Variants in ABI3BP observed in about 807,000 individuals in gnomAD.
ABI3BP encodes the protein ABI family member 3 binding protein, also known as target of Nesh-SH3.
Under a neutral mutation model 268.6 loss-of-function variants are expected in ABI3BP, and 216 were observed. The observed-to-expected ratio is 0.80, with a 90% confidence interval of 0.72 to 0.90. ABI3BP has a LOEUF of 0.90. Among genes scored for constraint, ABI3BP ranks in the 40% least tolerant of loss-of-function variants. ABI3BP has a pLI of 0.00. For missense variants in ABI3BP, 2,090 were observed against 2,182.4 expected, an observed-to-expected ratio of 0.96 and a Z score of 0.84; for synonymous variants, 730 against 730.0, an observed-to-expected ratio of 1.00 and a Z score of 0.00.
At chr3:100,904,140 T>G (rs1456122205) in intron 2 of ABI3BP, among the ~76,000 whole-genome samples, 1 of 152,180 alleles carries the variant, frequency 6.6e-6, no homozygotes, top group Non-Finnish European at 1.5e-5. Flanking sequence ...TATTCATAAC[T>G]TCATTACTCC....
chr3:100,892,348 A>G (rs1176330765), intron 4 of ABI3BP, among the ~76,000 whole-genome samples: 5 of 152,220 alleles, frequency 3.3e-5, no homozygotes, highest in Non-Finnish European at 7.3e-5. Flanking sequence ...CTAAGAAAGA[A>G]TTGATGAAAC....
intron 4 of ABI3BP, among the ~76,000 whole-genome samples, chr3:100,889,110 G>A (rs138775090): frequency 3.3e-5 from 5 of 151,890 alleles, no homozygotes; most frequent in South Asian, 4.2e-4. Context: ...ATTGCATAAC[G>A]CACCACTCCT....
intron 51 of ABI3BP, among the ~76,000 whole-genome samples, chr3:100,804,536 A>T (rs2097645261): frequency 6.6e-6 from 1 of 152,168 alleles, no homozygotes; most frequent in Non-Finnish European, 1.5e-5. Flanking sequence ...AAGTCAGGGA[A>T]TAAGAGAACT....
intron 1 of ABI3BP, among the ~76,000 whole-genome samples, chr3:100,985,370 C>A (rs1420900567): frequency 2.0e-5 from 3 of 151,740 alleles, no homozygotes; most frequent in African/African-American, 7.3e-5. Flanking sequence ...AGGATGGTCT[C>A]GATCCCCTGA....
intron 6 of ABI3BP, among the ~76,000 whole-genome samples, chr3:100,883,553 A>G: frequency 6.6e-6 from 1 of 152,120 alleles, no homozygotes; most frequent in East Asian, 1.9e-4. Context: ...CTGCTTTATC[A>G]GCAATCAGAG....
chr3:100,850,798 C>T, intron 15 of ABI3BP, 64 bp from the exon 16 acceptor site: 2 of 1,267,510 alleles, frequency 1.6e-6, no homozygotes, highest in Non-Finnish European at 2.3e-6. Flanking sequence ...AATACAAATT[C>T]ATGAGTAATA....
At chr3:100,813,789 G>A (rs779809229) in intron 44 of ABI3BP, 54 bp from the exon 45 acceptor site, 7 of 1,407,040 alleles carry the variant, frequency 5.0e-6, no homozygotes, top group Middle Eastern at 1.8e-4. Flanking sequence ...TTATTTCATA[G>A]GTTTTAGACA....
At chr3:100,806,649 T>G (rs2097715429) in intron 50 of ABI3BP, among the ~76,000 whole-genome samples, 1 of 152,068 alleles carries the variant, frequency 6.6e-6, no homozygotes, top group Admixed American at 6.6e-5. Context: ...AAGTATCTGG[T>G]TTGCAGCTAC....
chr3:100,849,959 A>G (rs1449987359), intron 17 of ABI3BP, 86 bp downstream of exon 17: 1 of 1,235,848 alleles, frequency 8.1e-7, no homozygotes, highest in Non-Finnish European at 1.1e-6. Flanking sequence ...AACAAAAGAA[A>G]AACAAAATTC....
intron 1 of ABI3BP, among the ~76,000 whole-genome samples, chr3:100,937,881 C>T (rs995074062): frequency 3.9e-5 from 6 of 152,022 alleles, no homozygotes; most frequent in African/African-American, 1.4e-4. Context: ...AGGGCAGTCA[C>T]TGTCAGAAGC....
chr3:100,754,095 C>T lies in ABI3BP; in HGVS notation c.4931-247G>A, dbSNP rs566242262. The stretch of plus-strand genomic sequence containing the variant: ...AATTTGAGTACTTAGGAACATTTGT[C>T]GCTGTTCCAGCTTTCACTTGAATTT... On this transcript the variant is annotated intron_variant, in intron 64 of 67. Coordinates refer to ENST00000471714, the MANE Select transcript of ABI3BP (RefSeq NM_001375547.2). 3.3e-5 allele frequency among the ~76,000 whole-genome samples: 5 copies of T among 152,316 alleles called. No homozygotes were observed. In the South Asian group the frequency reaches 1.0e-3, roughly 32 times the overall value.
rs866254898 is a variant in ABI3BP, at chr3:100,965,510, A to C, written c.79+27796T>G. The stretch of plus-strand genomic sequence containing the variant: ...AAGCCTTTATTCTGAATAAAACAAA[A>C]AAAAAAAAACAGAGGAAGTATTCAA... On this transcript the variant is annotated intron_variant, in intron 1 of 67. Coordinates refer to ENST00000471714, the MANE Select transcript of ABI3BP (RefSeq NM_001375547.2). Among the ~76,000 whole-genome samples, 1,170 of 137,566 alleles carry C rather than the reference A, an allele frequency of 8.5e-3. 16 individuals are homozygous for C. The highest frequency in any genetic ancestry group is 0.034 in the African/African-American group (1,126 of 32,788). The allele number at this position is 137,566 out of a possible 152,430, so 90.2% of individuals were successfully genotyped here.
intron 13 of ABI3BP, chr3:100,862,627 C>T (rs1560965925): frequency 5.2e-6 from 3 of 582,166 alleles, no homozygotes; most frequent in East Asian, 2.9e-5. Context: ...GGACAAAAAG[C>T]TAAGTGGATT....
rs2098339682 is a variant in ABI3BP, at chr3:100,824,886, CG to C, written c.2717del (p.Pro906ArgfsTer16). 1 of 1,535,764 alleles carries C rather than the reference CG, an allele frequency of 6.5e-7. No individual in the cohort carries two copies. The highest frequency in any genetic ancestry group is 8.7e-7 in the Non-Finnish European group (1 of 1,146,644). ...GTTTGGTCTCAGGTGCCTGAGGGCT[CG>C]GTGTAGTTTTAGGTCTGGGACGTGG... Reference protein sequence around the residue: ...RPPRPRPKTTPSPQAPETKPV... With the variant: ...RPPRPRPKTTXSPQAPETKPV... On this transcript the variant is annotated frameshift_variant, in exon 36 of 68. Transcript: ENST00000471714. LOFTEE classifies it high-confidence loss of function.
chr3:100,954,975 CTTTTTTTTTT>C lies in ABI3BP; in HGVS notation c.80-28504_80-28495del, dbSNP rs71299382. ...ATCCCTTTAATGTTTTAAATTTTGT[CTTTTTTTTTT>C]TTTTTTTTTTTTTTTACGAATCATA... On this transcript the variant is annotated intron_variant, in intron 1 of 67. Coordinates refer to ENST00000471714, the MANE Select transcript of ABI3BP (RefSeq NM_001375547.2). Among the ~76,000 whole-genome samples the C allele has an allele frequency of 9.0e-4, 85 of 94,758 alleles. 1 individual carries two copies. The East Asian group carries it at 0.017, about 19-fold the overall frequency. 62.2% of individuals were successfully genotyped at this position (94,758 alleles called of 152,430 possible).
At chr3:100,830,448 T>A in intron 32 of ABI3BP, 130 bp downstream of exon 32, 1 of 704,362 alleles carries the variant, frequency 1.4e-6, no homozygotes, top group East Asian at 2.8e-5. Context: ...TTATACATAT[T>A]AAGAAGTAAT....
chr3:100,849,016 T>A, intron 17 of ABI3BP, 141 bp from the exon 18 acceptor site: 1 of 703,334 alleles, frequency 1.4e-6, no homozygotes, highest in Non-Finnish European at 2.5e-6. Context: ...TACCTTGTTT[T>A]ATACACAGGA....
At position 100,926,396 on chromosome 3, in the gene ABI3BP, C is replaced by G. The variant is rs747853606; in HGVS notation, c.165G>C (p.Lys55Asn). 1.7e-5 allele frequency: 27 copies of G among 1,613,374 alleles called. No individual in the cohort carries two copies. The highest frequency in any genetic ancestry group is 2.2e-5 in the Non-Finnish European group (26 of 1,179,592). ...CATATCCCAGGAGAAGACCTTCAAG[C>G]TTTACATTTGGACTTGGACGCAAGA... is the stretch of plus-strand genomic sequence containing the variant. ...LKFLRPSPNV[K>N]LEGLLLGYGS... The change falls in exon 2 of 68, where the codon AAG becomes AAC. Residue 55 changes from lysine to asparagine, a missense_variant. Transcript: ENST00000471714.
intron 1 of ABI3BP, among the ~76,000 whole-genome samples, chr3:100,954,926 AGGGCAAAAGTAAAC>A (rs1052962734): frequency 1.3e-5 from 2 of 151,876 alleles, no homozygotes; most frequent in Admixed American, 6.6e-5. Context: ...CACCAAGCCC[AGGGCAAAAGTAAAC>A]GTGTTTATCA....
Sources: allele counts gnomAD v4.1 joint callset (sites outside exome capture counted in the v4.1 genomes callset), GRCh38; gene constraint gnomAD v4.1.1; transcripts MANE v1.5; gene names NCBI Gene and HGNC (gene_info 2026-07-23, HGNC 2026-07-21).